Variants in HORMAD2 observed in about 807,000 individuals in gnomAD.
The protein encoded by HORMAD2 is HORMA domain-containing protein 2.
Under a neutral mutation model 38.8 loss-of-function variants are expected in HORMAD2, and 45 were observed. That is an observed-to-expected ratio of 1.16 (90% confidence interval 0.91 to 1.49). The LOEUF (loss-of-function observed/expected upper bound fraction) is 1.49. Ranked by LOEUF, HORMAD2 falls within the 40% of genes most tolerant of loss-of-function variation. HORMAD2 has a pLI of 0.00. For missense variants in HORMAD2, 338 were observed against 367.0 expected (o/e 0.92, Z 0.65); for synonymous variants, 126 against 122.8 (o/e 1.03, Z -0.17).
At chr22:30,147,169 T>A (rs1375785286) in intron 10 of HORMAD2, among the ~76,000 whole-genome samples, 1 of 152,230 alleles carries the variant, frequency 6.6e-6, no homozygotes, top group East Asian at 1.9e-4. Context: ...CTTTACAAGT[T>A]GATTCTAAAA....
At chr22:30,111,920 T>C (rs1841934168) in intron 6 of HORMAD2, 104 bp downstream of exon 6, 1 of 798,044 alleles carries the variant, frequency 1.3e-6, no homozygotes, top group Admixed American at 3.2e-5. Flanking sequence ...CCTGACTTTT[T>C]TTTTTTAATC....
Position 30,124,878 on chromosome 22 carries a change from C to T in HORMAD2, c.819+2664C>T, listed in dbSNP as rs953518693. Among the ~76,000 whole-genome samples the T allele has an allele frequency of 4.6e-5, 7 of 152,150 alleles. No homozygotes were observed. The South Asian group carries it at 8.3e-4, about 18-fold the overall frequency. On this transcript the variant is annotated intron_variant, in intron 10 of 10. Coordinates refer to ENST00000336726, the MANE Select transcript of HORMAD2 (RefSeq NM_152510.4). ...TCCAAAGTGGTCGTACCAACTTACT[C>T]GCTACCCCCAGTGAAGGAGAGTACC... is the stretch of plus-strand genomic sequence containing the variant.
chr22:30,142,543 CA>C (rs1227072498), intron 10 of HORMAD2, among the ~76,000 whole-genome samples: 2 of 152,044 alleles, frequency 1.3e-5, no homozygotes, highest in Non-Finnish European at 1.5e-5. Context: ...TGTGTTCTAA[CA>C]TTAGGTGCAT....
At chr22:30,165,254 A>C (rs1482417522) in intron 10 of HORMAD2, among the ~76,000 whole-genome samples, 3 of 152,126 alleles carry the variant, frequency 2.0e-5, no homozygotes, top group Non-Finnish European at 2.9e-5. Context: ...ACTCTACTCC[A>C]TTGGTCTATA....
intron 10 of HORMAD2, among the ~76,000 whole-genome samples, chr22:30,128,360 A>G (rs893364802): frequency 2.6e-5 from 4 of 152,094 alleles, no homozygotes; most frequent in Non-Finnish European, 2.9e-5. Context: ...TAATCATGGT[A>G]TATGTGAATT....
the HORMAD2 span, among the ~76,000 whole-genome samples, chr22:30,204,201 T>C: frequency 2.0e-5 from 3 of 152,098 alleles, no homozygotes; most frequent in East Asian, 1.9e-4. Flanking sequence ...GACAGACAGA[T>C]GGTAGCAAAG....
At chr22:30,100,146 A>G (rs2146085163) in intron 3 of HORMAD2, among the ~76,000 whole-genome samples, 1 of 152,312 alleles carries the variant, frequency 6.6e-6, no homozygotes. Context: ...AAGCAAAAAG[A>G]ACAAAGCTGG....
intron 1 of HORMAD2, among the ~76,000 whole-genome samples, chr22:30,091,101 ACTT>A (rs778056223): frequency 1.3e-4 from 20 of 152,214 alleles, no homozygotes; most frequent in East Asian, 3.9e-4. Context: ...TACTTGACTT[ACTT>A]CACTTAAAAT....
At chr22:30,097,625 T>G (rs1371000872) in intron 2 of HORMAD2, among the ~76,000 whole-genome samples, 1 of 151,940 alleles carries the variant, frequency 6.6e-6, no homozygotes, top group African/African-American at 2.4e-5. Flanking sequence ...GCAGAGTGCA[T>G]GGGAGAGAAT....
rs567036670 is a variant in HORMAD2, at chr22:30,148,680, T to C, written c.819+26466T>C. ...AGTTCAGTAAATTTTGGAAGAACAATAAAATGAAGTACTGTGTATTCCTTA... is the reference window on the plus strand; with the variant it reads ...AGTTCAGTAAATTTTGGAAGAACAACAAAATGAAGTACTGTGTATTCCTTA... On this transcript the variant is annotated intron_variant, in intron 10 of 10. Coordinates refer to ENST00000336726, the MANE Select transcript of HORMAD2 (RefSeq NM_152510.4). Among the ~76,000 whole-genome samples the C allele has an allele frequency of 7.9e-5, 12 of 152,162 alleles. No individual in the cohort carries two copies. The South Asian group carries it at 2.3e-3, about 29-fold the overall frequency.
the HORMAD2 span, among the ~76,000 whole-genome samples, chr22:30,200,117 A>C: frequency 1.3e-5 from 2 of 151,624 alleles, no homozygotes; most frequent in African/African-American, 2.4e-5. Flanking sequence ...GGGTTTCACC[A>C]TGTCAGCCAG....
At chr22:30,201,735 C>A in the HORMAD2 span, among the ~76,000 whole-genome samples, 6 of 151,974 alleles carry the variant, frequency 3.9e-5, no homozygotes, top group African/African-American at 1.2e-4. Flanking sequence ...TTTAACATAC[C>A]TTTTCGGGGG....
chr22:30,187,015 A>G, the HORMAD2 span, among the ~76,000 whole-genome samples: 1 of 152,118 alleles, frequency 6.6e-6, no homozygotes, highest in South Asian at 2.1e-4. Flanking sequence ...CACTCTAACT[A>G]CGTTAGTTGA....
At chr22:30,183,148 T>A in the HORMAD2 span, among the ~76,000 whole-genome samples, 1 of 152,098 alleles carries the variant, frequency 6.6e-6, no homozygotes, top group Non-Finnish European at 1.5e-5. Flanking sequence ...CAAGGAGGAA[T>A]TAAAAAAGAA....
At chr22:30,100,419 T>TA (rs1312522183) in intron 3 of HORMAD2, among the ~76,000 whole-genome samples, 1 of 152,158 alleles carries the variant, frequency 6.6e-6, no homozygotes, top group African/African-American at 2.4e-5. Flanking sequence ...CCTTACACCT[T>TA]ATACAAAAAT....
chr22:30,099,051 G>A, intron 3 of HORMAD2, 58 bp downstream of exon 3: 1 of 1,457,904 alleles, frequency 6.9e-7, no homozygotes, highest in Middle Eastern at 1.8e-4. Context: ...TATTTAGCAG[G>A]AATAAACCTT....
chr22:30,111,751 G>T, intron 5 of HORMAD2, 45 bp from the exon 6 acceptor site: 2 of 1,415,670 alleles, frequency 1.4e-6, no homozygotes, highest in Admixed American at 2.2e-5. Context: ...GATAATATAG[G>T]TGCAAGTATG....
At chr22:30,207,053 G>C in the HORMAD2 span, 2 of 470,658 alleles carry the variant, frequency 4.2e-6, no homozygotes, top group African/African-American at 4.0e-5. Context: ...CTCACCCACG[G>C]ATGAGTCAGT....
At chr22:30,201,814 A>G in the HORMAD2 span, among the ~76,000 whole-genome samples, 1 of 152,152 alleles carries the variant, frequency 6.6e-6, no homozygotes, top group African/African-American at 2.4e-5. Flanking sequence ...GGTCCAGCTC[A>G]TGAACCATAT....
Sources: gnomAD v4.1 joint callset for allele counts (sites outside exome capture counted in the v4.1 genomes callset) on GRCh38, gnomAD v4.1.1 for gene constraint, MANE v1.5 for transcripts, NCBI Gene and HGNC (gene_info 2026-07-23, HGNC 2026-07-21) for gene names.